Variants in MTPAP observed in about 807,000 individuals in gnomAD.
MTPAP encodes the protein mitochondrial poly(A) polymerase.
A neutral mutation model predicts 48.7 loss-of-function variants in MTPAP; 23 were observed. The observed-to-expected ratio is 0.47, with a 90% CI of 0.34 to 0.67. The LOEUF (loss-of-function observed/expected upper bound fraction) is 0.67. MTPAP is among the 30% of genes least tolerant of loss of function. The pLI is 0.01. For synonymous variants in MTPAP, 257 were observed against 254.1 expected, an observed-to-expected ratio of 1.01 and a Z score of -0.11; for missense variants, 614 against 694.3, an observed-to-expected ratio of 0.88 and a Z score of 1.30.
chr10:30,316,872 A>T (rs1415216658), intron 6 of MTPAP, among the ~76,000 whole-genome samples: 1 of 149,862 alleles, frequency 6.7e-6, no homozygotes, highest in African/African-American at 2.5e-5. Flanking sequence ...GCAAGAGAGC[A>T]AGACTCCATC....
chr10:30,319,889 A>C (rs929587581), intron 6 of MTPAP, among the ~76,000 whole-genome samples: 2 of 152,264 alleles, frequency 1.3e-5, no homozygotes, highest in African/African-American at 4.8e-5. Flanking sequence ...TGATGTTTCA[A>C]GTGAAATATT....
intron 1 of MTPAP, among the ~76,000 whole-genome samples, chr10:30,348,500 G>A (rs764894999): frequency 1.8e-4 from 28 of 152,290 alleles, no homozygotes; most frequent in Non-Finnish European, 3.8e-4. Context: ...AGTCACAAGA[G>A]AGGTTCAATA....
At chr10:30,325,417 G>T (rs1834573566) in intron 5 of MTPAP, among the ~76,000 whole-genome samples, 1 of 152,178 alleles carries the variant, frequency 6.6e-6, no homozygotes, top group African/African-American at 2.4e-5. Flanking sequence ...CTCATGCAAT[G>T]AGAAGTTAAG....
At chr10:30,329,417 G>A (rs1469452327) in intron 4 of MTPAP, among the ~76,000 whole-genome samples, 2 of 151,936 alleles carry the variant, frequency 1.3e-5, no homozygotes, top group Middle Eastern at 3.2e-3. Context: ...TAGCAGAGAT[G>A]CGGTCTCCCC....
chr10:30,323,541 G>A (rs1050394601), intron 5 of MTPAP, among the ~76,000 whole-genome samples: 56 of 151,682 alleles, frequency 3.7e-4, no homozygotes, highest in Admixed American at 2.8e-3. Context: ...ACGGAGTCTC[G>A]CTCTGTCGCC....
intron 6 of MTPAP, among the ~76,000 whole-genome samples, chr10:30,316,556 T>G (rs1840664656): frequency 6.6e-6 from 1 of 151,076 alleles, no homozygotes; most frequent in Non-Finnish European, 1.5e-5. Context: ...TTCACATATT[T>G]CAAAGATATT....
intron 4 of MTPAP, among the ~76,000 whole-genome samples, chr10:30,327,193 T>A (rs1834607881): frequency 6.6e-6 from 1 of 152,096 alleles, no homozygotes; most frequent in South Asian, 2.1e-4. Context: ...ATCCTTTGTT[T>A]AATACTAAAA....
In MTPAP at chr10:30,326,404, A is replaced by C; in HGVS notation, c.992+20T>G. 6.3e-7 allele frequency: 1 copy of C among 1,596,436 alleles called. No individual in the cohort carries two copies. The highest frequency in any genetic ancestry group is 1.7e-5 in the Admixed American group (1 of 59,864). ...TATCAGAATATTCATATTTAAAATA[A>C]TAAATGTAAGCGGTCATACCTATTG... On this transcript the variant is annotated intron_variant, in intron 5 of 8. Coordinates refer to ENST00000263063, the MANE Select transcript of MTPAP (RefSeq NM_018109.4).
In MTPAP at chr10:30,349,265, G is replaced by T; in HGVS notation, c.11C>A (p.Pro4His). ...CAAACGGGTCAAGAGCCCCACGCCGGGAACCGCCATTGCTAAAAAAAAAAA... is the reference window on the plus strand; with the variant it reads ...CAAACGGGTCAAGAGCCCCACGCCGTGAACCGCCATTGCTAAAAAAAAAAA... MAV[P>H]GVGLLTRLNL... Residue 4 changes from proline (P) to histidine (H), a missense_variant, in exon 1 of 9, where the codon CCC (proline) becomes CAC (histidine). By Grantham distance (77) the Pro-to-His change is moderately conservative (BLOSUM62 -2). Around this residue, in one of 5 missense-constraint regions of MTPAP, gnomAD observed 125 missense variants for 111.5 expected, o/e 1.12. Coordinates refer to ENST00000263063, the MANE Select transcript of MTPAP (RefSeq NM_018109.4). 7.1e-7 allele frequency: 1 copy of T among 1,417,230 alleles called. No individual in the cohort carries two copies. 87.8% of individuals were successfully genotyped at this position (1,417,230 alleles called of 1,614,324 possible).
chr10:30,330,916 C>T (rs1424281596), intron 4 of MTPAP, among the ~76,000 whole-genome samples: 1 of 152,156 alleles, frequency 6.6e-6, no homozygotes, highest in African/African-American at 2.4e-5. Flanking sequence ...TCTAGAGTGC[C>T]CATGCTGACC....
rs189444912 is a variant in MTPAP, at chr10:30,322,329, G to A, written c.1219+62C>T. On this transcript the variant is annotated intron_variant, in intron 6 of 8. Coordinates refer to ENST00000263063, the MANE Select transcript of MTPAP (RefSeq NM_018109.4). ...AATAGACGGGACTTTGGTAACACATGGTAATTATATTTACTCATAACATTG... is the reference window on the plus strand; with the variant it reads ...AATAGACGGGACTTTGGTAACACATAGTAATTATATTTACTCATAACATTG... 2.2e-4 allele frequency: 293 copies of A among 1,308,524 alleles called. 3 individuals carry two copies. In the African/African-American group the frequency reaches 3.8e-3, roughly 17 times the overall value. 81.1% of individuals were successfully genotyped at this position (1,308,524 alleles called of 1,614,324 possible).
chr10:30,313,509 T>G lies in MTPAP; in HGVS notation c.*100A>C. ...GAAGATCATGAAAAGTGACATCAGA[T>G]GAAAGCTGAGATCTGTGAAAGTTTC... On this transcript the variant is annotated 3_prime_UTR_variant, in exon 9 of 9. Transcript: ENST00000263063. 1 of 1,495,628 alleles carries G rather than the reference T, an allele frequency of 6.7e-7. No individual in the cohort carries two copies. Among genetic ancestry groups the G allele is most frequent in the South Asian group, 1.1e-5 (1 of 87,408 alleles). The allele number at this position is 1,495,628 out of a possible 1,614,324, so 92.6% of individuals were successfully genotyped here.
At chr10:30,346,832 T>A (rs1203581220) in intron 1 of MTPAP, among the ~76,000 whole-genome samples, 1 of 152,052 alleles carries the variant, frequency 6.6e-6, no homozygotes. Flanking sequence ...CTCCTCTTCA[T>A]CCAAAGGGTG....
rs114476763 is a variant in MTPAP at position 30,345,092 on chromosome 10, C to T, written c.158-3452G>A. 5.2e-3 allele frequency among the ~76,000 whole-genome samples: 785 copies of T among 152,278 alleles called. 6 individuals are homozygous for T. The highest frequency in any genetic ancestry group is 0.013 in the African/African-American group (531 of 41,552). ...GCCAACCATTAAGTTGTGGTACTTACCTTTTCAGACATTTTCAAGGTATAT... is the reference window on the plus strand; with the variant it reads ...GCCAACCATTAAGTTGTGGTACTTATCTTTTCAGACATTTTCAAGGTATAT... On this transcript the variant is annotated intron_variant, in intron 1 of 8. Transcript: ENST00000263063.
intron 4 of MTPAP, among the ~76,000 whole-genome samples, chr10:30,336,319 G>A (rs1834730236): frequency 6.6e-6 from 1 of 151,942 alleles, no homozygotes; most frequent in African/African-American, 2.4e-5. Flanking sequence ...CATGTATGAG[G>A]GATATAATAA....
rs549663716 is a variant in MTPAP, at chr10:30,313,483, A to G, written c.*126T>C. Reference sequence around the variant, plus strand: ...TCAGACCAGGTTAAGGGGGCCAATGAGAAGATCATGAAAAGTGACATCAGA... The same window carrying G: ...TCAGACCAGGTTAAGGGGGCCAATGGGAAGATCATGAAAAGTGACATCAGA... On this transcript the variant is annotated 3_prime_UTR_variant, in exon 9 of 9. Transcript: ENST00000263063. The G allele has an allele frequency of 1.5e-6, 2 of 1,343,872 alleles. No homozygotes were observed. Among genetic ancestry groups the G allele is most frequent in the African/African-American group, 2.9e-5 (2 of 69,538 alleles). 83.2% of individuals were successfully genotyped at this position (1,343,872 alleles called of 1,614,324 possible). A position where few individuals can be genotyped will look rare whatever the true frequency, so the allele number is the denominator to read the frequency against.
At chr10:30,338,980 G>A (rs1014425509) in intron 3 of MTPAP, among the ~76,000 whole-genome samples, 18 of 151,784 alleles carry the variant, frequency 1.2e-4, no homozygotes, top group South Asian at 2.1e-4. Flanking sequence ...AAAATTAGCC[G>A]GGCATGGTGG....
At chr10:30,327,432 G>C (rs1028023886) in intron 4 of MTPAP, among the ~76,000 whole-genome samples, 2 of 151,766 alleles carry the variant, frequency 1.3e-5, no homozygotes, top group African/African-American at 2.4e-5. Context: ...CCAGGAGATG[G>C]AGGTTGCAGT....
chr10:30,315,516 A>C lies in MTPAP; in HGVS notation c.1386+447T>G, dbSNP rs1840650954. On this transcript the variant is annotated intron_variant, in intron 8 of 8. Coordinates refer to ENST00000263063, the MANE Select transcript of MTPAP (RefSeq NM_018109.4). ...GTTCATTTGCTCAAAAAAAAAAAAC[A>C]AAACAAAACAAAACAAAACAAAAAA... Among the ~76,000 whole-genome samples the C allele has an allele frequency of 5.6e-5, 8 of 142,056 alleles. No individual in the cohort carries two copies. The South Asian group carries it at 1.8e-3, about 31-fold the overall frequency. The allele number at this position is 142,056 out of a possible 152,430, so 93.2% of individuals were successfully genotyped here.
Sources: allele counts gnomAD v4.1 joint callset (sites outside exome capture counted in the v4.1 genomes callset), GRCh38; gene constraint gnomAD v4.1.1; regional missense constraint gnomAD v4.1.1; transcripts MANE v1.5; gene names NCBI Gene and HGNC (gene_info 2026-07-23, HGNC 2026-07-21).